PALM2AKAP2: variants seen among roughly 807,000 people sequenced by gnomAD.
PALM2AKAP2 encodes the protein PALM2-AKAP2 fusion protein.
In PALM2AKAP2, 37 loss-of-function variants were observed where a neutral mutation model predicts 71.5. That is an observed-to-expected ratio of 0.52 (90% CI 0.40 to 0.68). The LOEUF (loss-of-function observed/expected upper bound fraction) is 0.68, where lower values mean the gene tolerates loss of function less well. Ranked by LOEUF, PALM2AKAP2 falls within the 30% of genes least tolerant of loss-of-function variation. The pLI is 0.00. For synonymous variants in PALM2AKAP2, 468 were observed against 478.8 expected, an observed-to-expected ratio of 0.98 and a Z score of 0.29; for missense variants, 1,224 against 1,191.8, an observed-to-expected ratio of 1.03 and a Z score of -0.40.
At position 110,136,782 on chromosome 9, in the gene PALM2AKAP2, G is replaced by A. The variant is rs756478584; in HGVS notation, c.812G>A (p.Arg271His). ...AAAAAGGAGGCCAAGTTTGAGCTGCGTGCCTTCCATGAGGACAAGAAGCCC... is the reference window on the plus strand; with the variant it reads ...AAAAAGGAGGCCAAGTTTGAGCTGCATGCCTTCCATGAGGACAAGAAGCCC... The change falls in exon 2 of 4, where the codon CGT (arginine) becomes CAT (histidine). Residue 271 changes from arginine (R) to histidine (H), a missense_variant. Physicochemically the swap from Arg to His is conservative, Grantham distance 29. Coordinates refer to ENST00000374525, the Ensembl canonical transcript of PALM2AKAP2. 32 of 1,614,198 alleles carry A rather than the reference G, an allele frequency of 2.0e-5. No homozygotes were observed. Among genetic ancestry groups the A allele is most frequent in the South Asian group, 5.5e-5 (5 of 91,078 alleles).
At chr9:109,850,042 T>C (rs1828968011) in intron 1 of PALM2AKAP2, among the ~76,000 whole-genome samples, 1 of 152,144 alleles carries the variant, frequency 6.6e-6, no homozygotes, top group South Asian at 2.1e-4. Flanking sequence ...GAGAGACCTA[T>C]GGGTTTCACG....
At chr9:109,649,150 G>A (rs913796638) in intron 1 of PALM2AKAP2, among the ~76,000 whole-genome samples, 22 of 150,852 alleles carry the variant, frequency 1.5e-4, no homozygotes, top group African/African-American at 5.1e-4. Context: ...AAGTCATTGT[G>A]TTGTTGTTTT....
intron 1 of PALM2AKAP2, among the ~76,000 whole-genome samples, chr9:109,832,305 T>C (rs1448776279): frequency 6.6e-6 from 1 of 152,204 alleles, no homozygotes; most frequent in East Asian, 1.9e-4. Context: ...AGCTGAGATA[T>C]ATAATGTTTC....
At chr9:109,731,007 C>T (rs937560490) in intron 1 of PALM2AKAP2, among the ~76,000 whole-genome samples, 1 of 152,110 alleles carries the variant, frequency 6.6e-6, no homozygotes, top group African/African-American at 2.4e-5. Context: ...GCTTTCCAAC[C>T]GGGGACTGTC....
At chr9:109,755,732 C>T (rs1828948781) in intron 1 of PALM2AKAP2, among the ~76,000 whole-genome samples, 1 of 151,940 alleles carries the variant, frequency 6.6e-6, no homozygotes, top group African/African-American at 2.4e-5. Context: ...CACTGCTTAA[C>T]TTTTCCATAA....
intron 1 of PALM2AKAP2, among the ~76,000 whole-genome samples, chr9:109,648,880 A>G (rs1246552923): frequency 6.6e-6 from 1 of 152,238 alleles, no homozygotes; most frequent in Non-Finnish European, 1.5e-5. Context: ...GGTTGTTTCT[A>G]TGAACAAACA....
intron 1 of PALM2AKAP2, 53 bp from the exon 8 acceptor site, chr9:110,136,074 A>G: frequency 2.6e-6 from 4 of 1,513,524 alleles, no homozygotes; most frequent in South Asian, 1.4e-5. Flanking sequence ...CAGCATTCAC[A>G]TCCATAAGAG....
chr9:109,762,805 A>G (rs1426783346), intron 1 of PALM2AKAP2, among the ~76,000 whole-genome samples: 2 of 152,274 alleles, frequency 1.3e-5, no homozygotes, highest in South Asian at 2.1e-4. Flanking sequence ...TTGCCTTGGC[A>G]GACATGGCTT....
Position 110,168,252 on chromosome 9 carries a change from C to G in PALM2AKAP2, c.2749-147C>G, listed in dbSNP as rs78910955. The G allele has an allele frequency of 1.5e-4, 135 of 914,436 alleles. No individual in the cohort carries two copies. In the African/African-American group the frequency reaches 2.1e-3, roughly 14 times the overall value. The allele number at this position is 914,436 out of a possible 1,614,324, so 56.6% of individuals were successfully genotyped here. On this transcript the variant is annotated intron_variant, in intron 3 of 3. Coordinates refer to ENST00000374525, the Ensembl canonical transcript of PALM2AKAP2. ...ACCAGAACCTCCCATTCCCCTTTTT[C>G]CAGCGTCTCTCCTATCTCCCAGCAG...
intron 1 of PALM2AKAP2, among the ~76,000 whole-genome samples, chr9:110,054,877 T>C (rs1833799431): frequency 6.6e-6 from 1 of 152,252 alleles, no homozygotes; most frequent in Admixed American, 6.5e-5. Flanking sequence ...ATAACAGGCA[T>C]GAGCCGCCAT....
intron 1 of PALM2AKAP2, among the ~76,000 whole-genome samples, chr9:109,782,493 C>T (rs1826831506): frequency 6.6e-6 from 1 of 151,984 alleles, no homozygotes; most frequent in Non-Finnish European, 1.5e-5. Flanking sequence ...GTCACCATTC[C>T]CTAAATAATA....
At chr9:110,119,409 G>A (rs1322423135) in intron 1 of PALM2AKAP2, among the ~76,000 whole-genome samples, 1 of 151,400 alleles carries the variant, frequency 6.6e-6, no homozygotes, top group Non-Finnish European at 1.5e-5. Context: ...GTTATTTCTA[G>A]TCTTTTATTA....
rs538994930 is a variant in PALM2AKAP2, at chr9:110,028,301, A to G, written c.582+12262A>G. Among the ~76,000 whole-genome samples, 205 of 152,390 alleles carry G rather than the reference A, an allele frequency of 1.3e-3. 1 individual carries two copies. The highest frequency in any genetic ancestry group is 4.7e-3 in the African/African-American group (196 of 41,594). ...AAGTCACAACCATTGACAGCTTTCA[A>G]TAATCTATGTGTAGATAAGGAATAT... On this transcript the variant is annotated intron_variant, in intron 7 of 9. Transcript: ENST00000302798.
intron 1 of PALM2AKAP2, among the ~76,000 whole-genome samples, chr9:109,859,192 A>G (rs1829248708): frequency 6.6e-6 from 1 of 152,180 alleles, no homozygotes; most frequent in African/African-American, 2.4e-5. Flanking sequence ...TTCTTTTAAA[A>G]ATTCTCTTGA....
At chr9:110,100,723 A>G (rs1429619154) in intron 1 of PALM2AKAP2, among the ~76,000 whole-genome samples, 2 of 152,206 alleles carry the variant, frequency 1.3e-5, no homozygotes, top group Non-Finnish European at 2.9e-5. Context: ...AATTTGTGTC[A>G]ACTGTCTTTG....
chr9:109,871,074 T>G (rs1021731316), intron 2 of PALM2AKAP2, among the ~76,000 whole-genome samples: 3 of 152,220 alleles, frequency 2.0e-5, no homozygotes, highest in Non-Finnish European at 4.4e-5. Flanking sequence ...ACACTTATTC[T>G]CATGCAATGA....
intron 1 of PALM2AKAP2, among the ~76,000 whole-genome samples, chr9:109,788,191 T>C (rs548831367): frequency 6.6e-6 from 1 of 152,332 alleles, no homozygotes; most frequent in East Asian, 1.9e-4. Flanking sequence ...GGGAAATTCC[T>C]CTTATTAGAA....
chr9:109,772,843 G>C (rs1013644353), intron 1 of PALM2AKAP2, among the ~76,000 whole-genome samples: 17 of 152,220 alleles, frequency 1.1e-4, no homozygotes, highest in Middle Eastern at 3.2e-3. Context: ...GTCGGGCCGG[G>C]TGTAGTGGTT....
At chr9:110,110,408 G>T (rs937780894) in intron 1 of PALM2AKAP2, among the ~76,000 whole-genome samples, 1 of 152,068 alleles carries the variant, frequency 6.6e-6, no homozygotes, top group South Asian at 2.1e-4. Context: ...TGGCACTGCT[G>T]ATCTAGAGCA....
Sources: gnomAD v4.1 joint callset for allele counts (sites outside exome capture counted in the v4.1 genomes callset) on GRCh38, gnomAD v4.1.1 for gene constraint, MANE v1.5 for transcripts, NCBI Gene and HGNC (gene_info 2026-07-23, HGNC 2026-07-21) for gene names.